Variants in GABBR2 observed in about 807,000 individuals in gnomAD.
GABBR2 encodes gamma-aminobutyric acid type B receptor subunit 2, also known as G-protein coupled receptor 51.
In GABBR2, 23 loss-of-function variants were observed where a neutral mutation model predicts 105.6. That is an observed-to-expected ratio of 0.22 (90% confidence interval 0.16 to 0.31). The LOEUF (loss-of-function observed/expected upper bound fraction) is 0.31. Among genes scored for constraint, GABBR2 ranks in the 10% least tolerant of loss-of-function variants. The pLI is 1.00. For missense variants in GABBR2, 734 were observed against 1,245.5 expected, an observed-to-expected ratio of 0.59 and a Z score of 6.18; for synonymous variants, 478 against 499.7, an observed-to-expected ratio of 0.96 and a Z score of 0.58.
At chr9:98,549,256 GT>G (rs1353362732) in intron 2 of GABBR2, among the ~76,000 whole-genome samples, 1 of 121,812 alleles carries the variant, frequency 8.2e-6, no homozygotes, top group African/African-American at 2.6e-5. Context: ...TCTTTTCCAT[GT>G]TTTGATAGTT....
In GABBR2 at chr9:98,376,951, T is replaced by C. The variant is rs540442077; in HGVS notation, c.1663-5380A>G. On this transcript the variant is annotated intron_variant, in intron 11 of 18. Transcript: ENST00000259455. ...CCCGTCTGGGCCCTTTCTGAAGGAC[T>C]CCACTCCTCAAGGCCCTTGAAGCCA... Among the ~76,000 whole-genome samples, 3 of 152,266 alleles carry C rather than the reference T, an allele frequency of 2.0e-5. No homozygotes were observed. In the East Asian group the frequency reaches 5.8e-4, roughly 29 times the overall value.
chr9:98,345,790 G>T (rs919625080), intron 13 of GABBR2, among the ~76,000 whole-genome samples: 2 of 152,172 alleles, frequency 1.3e-5, no homozygotes, highest in East Asian at 1.9e-4. Context: ...AAAATCACTT[G>T]CTTTCCTATA....
intron 3 of GABBR2, among the ~76,000 whole-genome samples, chr9:98,512,902 CTACTT>C (rs1827678488): frequency 6.6e-6 from 1 of 152,148 alleles, no homozygotes; most frequent in Admixed American, 6.5e-5. Context: ...TTGGAGAAAA[CTACTT>C]TAAAGTTCAT....
At chr9:98,583,985 C>T (rs564101408) in intron 1 of GABBR2, among the ~76,000 whole-genome samples, 2 of 152,306 alleles carry the variant, frequency 1.3e-5, no homozygotes, top group East Asian at 1.9e-4. Context: ...GAGATGTTCA[C>T]TGGGCAAAAC....
In GABBR2 at chr9:98,306,483, C is replaced by T; in HGVS notation, c.2005-138G>A. The T allele has an allele frequency of 1.5e-6, 1 of 658,880 alleles. No individual in the cohort carries two copies. The allele number at this position is 658,880 out of a possible 1,614,324, so 40.8% of individuals were successfully genotyped here. A position where few individuals can be genotyped will look rare whatever the true frequency, so the allele number is the denominator to read the frequency against. ...GGAGGGTCGGGGGCCTTGCTGTCAGCCGGGTCTTCTGGATGTCACCATCTG... is the reference window on the plus strand; with the variant it reads ...GGAGGGTCGGGGGCCTTGCTGTCAGTCGGGTCTTCTGGATGTCACCATCTG... On this transcript the variant is annotated intron_variant, in intron 14 of 18. Coordinates refer to ENST00000259455, the MANE Select transcript of GABBR2 (RefSeq NM_005458.8). This position sits in a 1 kb window ranked among gnomAD's most constrained non-coding sequence, Gnocchi z 5.4.
intron 13 of GABBR2, among the ~76,000 whole-genome samples, chr9:98,337,297 T>C (rs1831133681): frequency 6.6e-6 from 1 of 151,956 alleles, no homozygotes; most frequent in South Asian, 2.1e-4. Flanking sequence ...AGAGTGAGAC[T>C]CCATCTCGGA....
chr9:98,610,041 C>G (rs1473228413), intron 1 of GABBR2, among the ~76,000 whole-genome samples: 3 of 152,184 alleles, frequency 2.0e-5, no homozygotes, highest in Non-Finnish European at 4.4e-5. Flanking sequence ...GCTCACCATG[C>G]CCCAAACCAA....
At chr9:98,313,124 GA>G (rs1830661156) in intron 13 of GABBR2, among the ~76,000 whole-genome samples, 1 of 152,134 alleles carries the variant, frequency 6.6e-6, no homozygotes, top group South Asian at 2.1e-4. Context: ...AATTTTTCCA[GA>G]TTGGGCCAGT....
At chr9:98,323,324 C>A (rs1830859126) in intron 13 of GABBR2, among the ~76,000 whole-genome samples, 1 of 152,258 alleles carries the variant, frequency 6.6e-6, no homozygotes, top group Admixed American at 6.5e-5. Flanking sequence ...CTGTGGTCAC[C>A]AGGGTGCTGT....
chr9:98,537,524 C>T (rs564969322), intron 3 of GABBR2, among the ~76,000 whole-genome samples: 12 of 152,000 alleles, frequency 7.9e-5, no homozygotes, highest in Non-Finnish European at 1.6e-4. Flanking sequence ...AATCATAGCT[C>T]ACTGCAGCCT....
intron 1 of GABBR2, among the ~76,000 whole-genome samples, chr9:98,697,067 A>C (rs1190464925): frequency 6.6e-6 from 1 of 152,160 alleles, no homozygotes; most frequent in African/African-American, 2.4e-5. Flanking sequence ...ATGGTGGTTT[A>C]CTCAGAGCGT....
At chr9:98,443,618 C>T (rs1260290958) in intron 7 of GABBR2, among the ~76,000 whole-genome samples, 1 of 152,162 alleles carries the variant, frequency 6.6e-6, no homozygotes, top group Non-Finnish European at 1.5e-5. Flanking sequence ...CTGTGGGACC[C>T]CAACATAGCC....
intron 7 of GABBR2, among the ~76,000 whole-genome samples, chr9:98,418,038 C>T (rs1241298600): frequency 6.6e-6 from 1 of 152,132 alleles, no homozygotes; most frequent in Non-Finnish European, 1.5e-5. Flanking sequence ...GCAGGAGCCA[C>T]ATCAGGCAGG....
chr9:98,556,360 G>A (rs897203818), intron 2 of GABBR2, among the ~76,000 whole-genome samples: 6 of 152,114 alleles, frequency 3.9e-5, no homozygotes, highest in African/African-American at 1.4e-4. Context: ...CGAGAAGAAG[G>A]GGTCATCCTA....
intron 11 of GABBR2, among the ~76,000 whole-genome samples, chr9:98,376,560 A>G (rs1831877348): frequency 6.6e-6 from 1 of 152,114 alleles, no homozygotes; most frequent in Non-Finnish European, 1.5e-5. Flanking sequence ...AGCAAGCCCC[A>G]GAGCACTGTG....
chr9:98,565,255 G>A (rs1588230848), intron 2 of GABBR2, among the ~76,000 whole-genome samples: 1 of 148,222 alleles, frequency 6.7e-6, no homozygotes, highest in South Asian at 2.2e-4. Context: ...ACAGCTGCAA[G>A]GCTGCTCCTC....
intron 13 of GABBR2, among the ~76,000 whole-genome samples, chr9:98,313,914 C>T (rs940693576): frequency 1.3e-5 from 2 of 152,108 alleles, no homozygotes; most frequent in Admixed American, 6.6e-5. Context: ...GGTGCTCCCA[C>T]GTGAAAGCAG....
intron 4 of GABBR2, among the ~76,000 whole-genome samples, chr9:98,488,236 GC>G (rs1392536107): frequency 6.6e-6 from 1 of 152,150 alleles, no homozygotes; most frequent in Non-Finnish European, 1.5e-5. Context: ...GATTTTCACA[GC>G]AGCAATGGGA....
intron 12 of GABBR2, among the ~76,000 whole-genome samples, chr9:98,370,233 C>T (rs1564034836): frequency 6.6e-6 from 1 of 151,950 alleles, no homozygotes; most frequent in African/African-American, 2.4e-5. Context: ...GGTGAGGTGA[C>T]CCCAGGGTGG....
Sources: gnomAD v4.1 joint callset for allele counts (sites outside exome capture counted in the v4.1 genomes callset) on GRCh38, gnomAD v4.1.1 for gene constraint, Gnocchi (gnomAD v3.1) non-coding constraint, MANE v1.5 for transcripts, NCBI Gene and HGNC (gene_info 2026-07-23, HGNC 2026-07-21) for gene names.